NME8: variants seen among roughly 807,000 people sequenced by gnomAD.
The protein encoded by NME8 is NME/NM23 family member 8.
In NME8, 72 loss-of-function variants were observed where a neutral mutation model predicts 82.3. The observed-to-expected ratio is 0.87, with a 90% CI of 0.72 to 1.06. The LOEUF is 1.06. Among genes scored for constraint, NME8 ranks in the 50% least tolerant of loss-of-function variants. The pLI is 0.00. For missense variants in NME8, 712 were observed against 685.4 expected (o/e 1.04, Z -0.43); for synonymous variants, 267 against 228.5 (o/e 1.17, Z -1.52).
At chr7:37,850,217 A>T in intron 2 of NME8, 43 bp from the exon 3 acceptor site, 1 of 1,501,866 alleles carries the variant, frequency 6.7e-7, no homozygotes, top group Non-Finnish European at 9.3e-7. Flanking sequence ...AATGTTATTT[A>T]AATTTCCTAC....
intron 15 of NME8, among the ~76,000 whole-genome samples, chr7:37,891,127 G>T (rs1785123217): frequency 6.6e-6 from 1 of 151,432 alleles, no homozygotes; most frequent in South Asian, 2.1e-4. Flanking sequence ...CCTTTTTTGG[G>T]GTTTTTGTTT....
At chr7:37,850,345 T>G (rs1784421395) in intron 3 of NME8, 33 bp from the exon 4 acceptor site, 1 of 1,613,936 alleles carries the variant, frequency 6.2e-7, no homozygotes, top group African/African-American at 1.3e-5. Flanking sequence ...CACTAGTGCT[T>G]GAATACCTTT....
intron 12 of NME8, among the ~76,000 whole-genome samples, chr7:37,880,926 C>T (rs1168234730): frequency 6.6e-6 from 1 of 151,906 alleles, no homozygotes; most frequent in Non-Finnish European, 1.5e-5. Flanking sequence ...ATTTCAAATT[C>T]CAATTGCTCA....
chr7:37,852,435 T>C (rs1007991473), intron 5 of NME8, among the ~76,000 whole-genome samples: 2 of 152,208 alleles, frequency 1.3e-5, no homozygotes, highest in African/African-American at 4.8e-5. Flanking sequence ...TAATGACATG[T>C]ACTTACTATA....
intron 11 of NME8, among the ~76,000 whole-genome samples, chr7:37,875,589 A>G (rs1348547160): frequency 6.6e-6 from 1 of 152,162 alleles, no homozygotes; most frequent in Non-Finnish European, 1.5e-5. Context: ...TTCAAAATAA[A>G]AAATTTAAAC....
chr7:37,876,715 T>C (rs1784858387), intron 11 of NME8, 117 bp from the exon 12 acceptor site: 1 of 743,068 alleles, frequency 1.3e-6, no homozygotes, highest in Non-Finnish European at 2.3e-6. Context: ...TTACATGACA[T>C]TTAATTTTTG....
At chr7:37,857,637 G>A (rs1024113864) in intron 6 of NME8, among the ~76,000 whole-genome samples, 16 of 152,134 alleles carry the variant, frequency 1.1e-4, no homozygotes, top group African/African-American at 3.9e-4. Flanking sequence ...TTTTACAGGA[G>A]TAAAACCTTG....
intron 5 of NME8, among the ~76,000 whole-genome samples, chr7:37,852,860 T>C (rs899577050): frequency 1.3e-5 from 2 of 152,142 alleles, no homozygotes; most frequent in Non-Finnish European, 2.9e-5. Flanking sequence ...TACCAAGGAG[T>C]AAGATTGCTG....
chr7:37,884,282 T>C (rs753003305), intron 12 of NME8, 21 bp from the exon 13 acceptor site: 1 of 1,492,668 alleles, frequency 6.7e-7, no homozygotes, highest in African/African-American at 1.4e-5. Context: ...TAAAACTTAT[T>C]ATGTAACTGT....
At chr7:37,870,871 G>A (rs1464482044) in intron 11 of NME8, among the ~76,000 whole-genome samples, 1 of 152,180 alleles carries the variant, frequency 6.6e-6, no homozygotes, top group East Asian at 1.9e-4. Flanking sequence ...CTTCTATAAT[G>A]CTTGTTCTTA....
At chr7:37,884,216 T>C in intron 12 of NME8, 87 bp from the exon 13 acceptor site, 4 of 935,988 alleles carry the variant, frequency 4.3e-6, no homozygotes, top group South Asian at 1.4e-5. Context: ...AAGTGCATTG[T>C]ATGCCCTCAT....
Position 37,894,606 on chromosome 7 carries a change from T to C in NME8, c.1540T>C (p.Ser514Pro). Residue 514 changes from serine to proline, a missense_variant, in exon 16 of 18, where the codon TCT becomes CCT. Coordinates refer to ENST00000199447, the MANE Select transcript of NME8 (RefSeq NM_016616.5). ...TTATAAAGATTTATTGGAAATGTTA[T>C]CTGTGTAAGTTTCTGATACATAATT... Reference protein sequence around the residue: ...DFYKDLLEMLSVGPSMVMILT... With the variant: ...DFYKDLLEMLPVGPSMVMILT... 1.9e-6 allele frequency: 3 copies of C among 1,586,742 alleles called. No individual in the cohort carries two copies. The highest frequency in any genetic ancestry group is 2.6e-6 in the Non-Finnish European group (3 of 1,156,530).
At chr7:37,872,720 T>A (rs1187130435) in intron 11 of NME8, among the ~76,000 whole-genome samples, 1 of 147,928 alleles carries the variant, frequency 6.8e-6, no homozygotes, top group East Asian at 2.0e-4. Context: ...GATAATATGC[T>A]GAGGGGATCA....
At chr7:37,878,945 A>G (rs988850558) in intron 12 of NME8, among the ~76,000 whole-genome samples, 2 of 152,106 alleles carry the variant, frequency 1.3e-5, no homozygotes, top group African/African-American at 4.8e-5. Context: ...TGACAAATGC[A>G]TAATGTCAGG....
At position 37,857,336 on chromosome 7, in the gene NME8, C is replaced by G; in HGVS notation, c.261C>G (p.Leu87=). Residue 87 remains leucine, a synonymous_variant, in exon 6 of 18, where the codon CTC becomes CTG. Transcript: ENST00000199447. ...GAGATAAATGTGAACCTGTTTTTCT[C>G]TTTAGTGTTGTAAGTATATTTACTT... ...PFRDKCEPVF[L]FSVNGKIIEK... is the part of the protein sequence containing the mutation. 6.2e-7 allele frequency: 1 copy of G among 1,606,078 alleles called. No individual in the cohort carries two copies. Among genetic ancestry groups the G allele is most frequent in the Non-Finnish European group, 8.5e-7 (1 of 1,173,428 alleles).
intron 6 of NME8, 139 bp from the exon 7 acceptor site, chr7:37,861,889 G>A (rs539448068): frequency 2.1e-4 from 158 of 753,104 alleles, no homozygotes; most frequent in South Asian, 3.1e-4. Context: ...ACTGTAAAAC[G>A]TTAATTACCA....
At chr7:37,852,990 C>T (rs1337964200) in intron 5 of NME8, among the ~76,000 whole-genome samples, 1 of 152,196 alleles carries the variant, frequency 6.6e-6, no homozygotes, top group Admixed American at 6.5e-5. Flanking sequence ...ACATTCTCAC[C>T]AGCATCTGTT....
At chr7:37,899,428 C>G (rs965240809) in intron 17 of NME8, among the ~76,000 whole-genome samples, 2 of 152,008 alleles carry the variant, frequency 1.3e-5, no homozygotes, top group Non-Finnish European at 2.9e-5. Flanking sequence ...AATGAAGGAA[C>G]AGAAAACCAA....
chr7:37,849,335 T>C (rs926227787), intron 2 of NME8, among the ~76,000 whole-genome samples: 1 of 152,110 alleles, frequency 6.6e-6, no homozygotes. Context: ...CAATTGATAA[T>C]ATAGGAAACA....
Sources: allele counts gnomAD v4.1 joint callset (sites outside exome capture counted in the v4.1 genomes callset), GRCh38; gene constraint gnomAD v4.1.1; transcripts MANE v1.5; gene names NCBI Gene and HGNC (gene_info 2026-07-23, HGNC 2026-07-21).